FZR1: variants seen among roughly 807,000 people sequenced by gnomAD.
FZR1 encodes the protein fizzy-related protein homolog.
Under a neutral mutation model 63.6 loss-of-function variants are expected in FZR1, and 11 were observed. That is an observed-to-expected ratio of 0.17 (90% confidence interval 0.11 to 0.29). FZR1 has a LOEUF of 0.29. FZR1 is among the 10% of genes least tolerant of loss of function. The pLI is 1.00. For synonymous variants in FZR1, 328 were observed against 297.9 expected, an observed-to-expected ratio of 1.10 and a Z score of -1.04; for missense variants, 440 against 687.5, an observed-to-expected ratio of 0.64 and a Z score of 4.03.
rs894762229 is a variant in FZR1 at position 3,537,513 on chromosome 19, TGA to T, written c.*2681_*2682del. The T allele has an allele frequency of 6.6e-6, 1 of 152,330 alleles. No homozygotes were observed. The highest frequency in any genetic ancestry group is 1.5e-5 in the Non-Finnish European group (1 of 68,190). The allele number at this position is 152,330 out of a possible 1,614,324, so 9.4% of individuals were successfully genotyped here. A position where few individuals can be genotyped will look rare whatever the true frequency, so the allele number is the denominator to read the frequency against. On this transcript the variant is annotated 3_prime_UTR_variant, in exon 14 of 14. Coordinates refer to ENST00000441788, the MANE Select transcript of FZR1 (RefSeq NM_016263.4). Reference sequence around the variant, plus strand: ...ACTCAGGCTGCCATAGGTTCTGCGATGAGAGGTGCAGGAGGCAGGAGCCTGGC... The same window carrying T: ...ACTCAGGCTGCCATAGGTTCTGCGATGAGGTGCAGGAGGCAGGAGCCTGGC...
intron 1 of FZR1, among the ~76,000 whole-genome samples, chr19:3,508,358 G>A (rs1358099782): frequency 6.6e-6 from 1 of 151,988 alleles, no homozygotes; most frequent in Non-Finnish European, 1.5e-5. Flanking sequence ...ACCACGCCCG[G>A]CTATTTTTGT....
chr19:3,508,516 A>G (rs189526539), intron 1 of FZR1, among the ~76,000 whole-genome samples: 44 of 152,266 alleles, frequency 2.9e-4, no homozygotes, highest in South Asian at 8.3e-4. Flanking sequence ...TTTTCAAACC[A>G]CTTACTGTTT....
intron 2 of FZR1, 91 bp downstream of exon 2, chr19:3,523,149 TA>T (rs2083119531): frequency 5.9e-6 from 5 of 843,182 alleles, no homozygotes; most frequent in Non-Finnish European, 1.0e-5. Flanking sequence ...CCACTGTCAC[TA>T]AAGCCCCACG....
intron 1 of FZR1, among the ~76,000 whole-genome samples, chr19:3,508,970 G>A (rs917555578): frequency 5.3e-5 from 8 of 152,150 alleles, no homozygotes; most frequent in African/African-American, 1.4e-4. Context: ...TGCCCACAGC[G>A]GGCCCCCTGT....
At position 3,534,797 on chromosome 19, in the gene FZR1, G is replaced by A. The variant is rs764162901; in HGVS notation, c.1443G>A (p.Glu481=). ...CTGCCATCCCCATGTGTCTGCAGGAGTCTGTGTCTGTGCTCAACCTCTTCA... is the reference window on the plus strand; with the variant it reads ...CTGCCATCCCCATGTGTCTGCAGGAATCTGTGTCTGTGCTCAACCTCTTCA... ...NVFSKTRSTK[E]SVSVLNLFTR... Residue 481 remains glutamate (E), a splice_region_variant and synonymous_variant, in exon 14 of 14, where the codon GAG becomes GAA. Coordinates refer to ENST00000441788, the MANE Select transcript of FZR1 (RefSeq NM_016263.4). The A allele has an allele frequency of 1.9e-6, 3 of 1,612,872 alleles. No individual in the cohort carries two copies. The highest frequency in any genetic ancestry group is 2.5e-6 in the Non-Finnish European group (3 of 1,179,676).
intron 1 of FZR1, among the ~76,000 whole-genome samples, chr19:3,510,262 G>A (rs1387978543): frequency 2.0e-5 from 3 of 152,026 alleles, no homozygotes; most frequent in Admixed American, 1.3e-4. Flanking sequence ...TCAGTCTCCC[G>A]AGTAGCTGGG....
At chr19:3,528,331 T>C (rs950701677) in intron 7 of FZR1, among the ~76,000 whole-genome samples, 5 of 152,220 alleles carry the variant, frequency 3.3e-5, no homozygotes, top group East Asian at 1.9e-4. Flanking sequence ...GATAACGCCA[T>C]GCGAGTAGTT....
rs1384111335 is a variant in FZR1, at chr19:3,526,525, G to T, written c.387+139G>T. ...GGCTCAGCACCCCCGCCCTGACCCT[G>T]TTCCTTAGCCAGGTCAGGGGCCCTG... On this transcript the variant is annotated intron_variant, in intron 5 of 13. Coordinates refer to ENST00000441788, the MANE Select transcript of FZR1 (RefSeq NM_016263.4). This position sits in a 1 kb window ranked among gnomAD's most constrained non-coding sequence, Gnocchi z 5.4. 5 of 658,996 alleles carry T rather than the reference G, an allele frequency of 7.6e-6. No homozygotes were observed. The highest frequency in any genetic ancestry group is 1.3e-5 in the Non-Finnish European group (5 of 384,406). 40.8% of individuals were successfully genotyped at this position (658,996 alleles called of 1,614,324 possible).
rs929866277 is a variant in FZR1 at position 3,526,916 on chromosome 19, T to A, written c.388-64T>A. 52 of 1,137,200 alleles carry A rather than the reference T, an allele frequency of 4.6e-5. 2 individuals are homozygous for A. In the South Asian group the frequency reaches 6.2e-4, roughly 13 times the overall value. The allele number at this position is 1,137,200 out of a possible 1,614,324, so 70.4% of individuals were successfully genotyped here. A position where few individuals can be genotyped will look rare whatever the true frequency, so the allele number is the denominator to read the frequency against. ...GAGCTGTACCGGGAGCGTGGGCTGC[T>A]GGGGGGCTCTGAGGGTCCTGCGGCC... On this transcript the variant is annotated intron_variant, in intron 5 of 13. Transcript: ENST00000441788. This position sits in a 1 kb window ranked among gnomAD's most constrained non-coding sequence, Gnocchi z 5.4.
At chr19:3,528,111 C>T (rs898262122) in intron 7 of FZR1, among the ~76,000 whole-genome samples, 1 of 152,276 alleles carries the variant, frequency 6.6e-6, no homozygotes, top group Admixed American at 6.5e-5. Context: ...AGCATGGGGT[C>T]CCCACTGGAG....
rs756776970 is a variant in FZR1 at position 3,533,950 on chromosome 19, C to A, written c.1348-471C>A. On this transcript the variant is annotated intron_variant, in intron 12 of 13. Transcript: ENST00000441788. This position sits in a 1 kb window ranked among gnomAD's most constrained non-coding sequence, Gnocchi z 4.9. ...AAAATGCTCCAACCTTGGCTAGGTGCGGTGGCTCACGCCTGTAATCCCTGC... is the reference window on the plus strand; with the variant it reads ...AAAATGCTCCAACCTTGGCTAGGTGAGGTGGCTCACGCCTGTAATCCCTGC... 7.2e-5 allele frequency among the ~76,000 whole-genome samples: 11 copies of A among 152,196 alleles called. No individual in the cohort carries two copies. Among genetic ancestry groups the A allele is most frequent in the Admixed American group, 5.9e-4 (9 of 15,292 alleles).
chr19:3,533,248 G>C lies in FZR1; in HGVS notation c.1243-46G>C, dbSNP rs760601744. The C allele has an allele frequency of 8.5e-7, 1 of 1,180,202 alleles. No homozygotes were observed. 73.1% of individuals were successfully genotyped at this position (1,180,202 alleles called of 1,614,324 possible). On this transcript the variant is annotated intron_variant, in intron 11 of 13. Coordinates refer to ENST00000441788, the MANE Select transcript of FZR1 (RefSeq NM_016263.4). This position sits in a 1 kb window ranked among gnomAD's most constrained non-coding sequence, Gnocchi z 4.9. ...ATGTGAGGCAGCAGGCATAGCACCC[G>C]GCCTCGTTGCCCCTCACCGACCGCA...
intron 1 of FZR1, among the ~76,000 whole-genome samples, chr19:3,511,512 G>A (rs1040977994): frequency 5.9e-5 from 9 of 152,068 alleles, no homozygotes; most frequent in African/African-American, 9.7e-5. Flanking sequence ...AAACCAGCCC[G>A]GGCAACATAG....
At position 3,525,798 on chromosome 19, in the gene FZR1, G is replaced by A. The variant is rs1408576310; in HGVS notation, c.70-70G>A. On this transcript the variant is annotated intron_variant, in intron 2 of 13. Coordinates refer to ENST00000441788, the MANE Select transcript of FZR1 (RefSeq NM_016263.4). The surrounding 1 kb of genome is among the most constrained non-coding windows in gnomAD (Gnocchi z 4.2). Reference sequence around the variant, plus strand: ...TTTGCTCAGTGGCCAGAGGCTGAGAGAGGCTGGCCTGGGGGCACTCTCGGG... The same window carrying A: ...TTTGCTCAGTGGCCAGAGGCTGAGAAAGGCTGGCCTGGGGGCACTCTCGGG... 6.4e-7 allele frequency: 1 copy of A among 1,563,466 alleles called. No individual in the cohort carries two copies. Among genetic ancestry groups the A allele is most frequent in the African/African-American group, 1.4e-5 (1 of 73,610 alleles).
chr19:3,526,533 G>C lies in FZR1; in HGVS notation c.387+147G>C. On this transcript the variant is annotated intron_variant, in intron 5 of 13. Transcript: ENST00000441788. This position sits in a 1 kb window ranked among gnomAD's most constrained non-coding sequence, Gnocchi z 5.4. ...ACCCCCGCCCTGACCCTGTTCCTTA[G>C]CCAGGTCAGGGGCCCTGGGATCTGA... The C allele has an allele frequency of 1.6e-6, 1 of 636,612 alleles. No homozygotes were observed. The highest frequency in any genetic ancestry group is 2.7e-6 in the Non-Finnish European group (1 of 366,894). 39.4% of individuals were successfully genotyped at this position (636,612 alleles called of 1,614,324 possible). A position where few individuals can be genotyped will look rare whatever the true frequency, so the allele number is the denominator to read the frequency against.
Position 3,534,977 on chromosome 19 carries a change from C to A in FZR1, c.*141C>A. 1.5e-6 allele frequency: 1 copy of A among 689,314 alleles called. No homozygotes were observed. The highest frequency in any genetic ancestry group is 1.8e-5 in the African/African-American group (1 of 56,808). The allele number at this position is 689,314 out of a possible 1,614,324, so 42.7% of individuals were successfully genotyped here. ...GGCGGGGAGCTGGGCCTGGAGGATC[C>A]TGGAGTCTCATTAAATGCCTGATTG... On this transcript the variant is annotated 3_prime_UTR_variant, in exon 14 of 14. Coordinates refer to ENST00000441788, the MANE Select transcript of FZR1 (RefSeq NM_016263.4).
At position 3,515,899 on chromosome 19, in the gene FZR1, C is replaced by T. The variant is rs1464168445; in HGVS notation, c.-34-7057C>T. Among the ~76,000 whole-genome samples, 2 of 152,076 alleles carry T rather than the reference C, an allele frequency of 1.3e-5. No individual in the cohort carries two copies. Among genetic ancestry groups the T allele is most frequent in the Non-Finnish European group, 2.9e-5 (2 of 68,014 alleles). ...CATGACCAGCCGCTTTTCGAACCTT[C>T]TGGGAGCAGTGTGCTCTGCATGGCC... On this transcript the variant is annotated intron_variant, in intron 1 of 13. Coordinates refer to ENST00000441788, the MANE Select transcript of FZR1 (RefSeq NM_016263.4). This position sits in a 1 kb window ranked among gnomAD's most constrained non-coding sequence, Gnocchi z 4.6.
At chr19:3,520,916 G>A (rs1256870474) in intron 1 of FZR1, among the ~76,000 whole-genome samples, 1 of 152,184 alleles carries the variant, frequency 6.6e-6, no homozygotes, top group Admixed American at 6.5e-5. Flanking sequence ...GGCAGGTGTC[G>A]CCTCGGCCCT....
intron 1 of FZR1, among the ~76,000 whole-genome samples, chr19:3,509,673 C>T (rs766964236): frequency 1.1e-3 from 174 of 152,282 alleles, no homozygotes; most frequent in Non-Finnish European, 8.1e-4. Context: ...GGGCCTGTCC[C>T]GGACATTTCA....
Sources: gnomAD v4.1 joint callset for allele counts (sites outside exome capture counted in the v4.1 genomes callset) on GRCh38, gnomAD v4.1.1 for gene constraint, Gnocchi (gnomAD v3.1) non-coding constraint, MANE v1.5 for transcripts, NCBI Gene and HGNC (gene_info 2026-07-23, HGNC 2026-07-21) for gene names.